The following ACER3 variants were observed in gnomAD, a reference collection of about 807,000 sequenced individuals.
ACER3 encodes alkaline ceramidase 3, also known as alkCDase 3.
In ACER3, 16 loss-of-function variants were observed where a neutral mutation model predicts 48.9. The observed-to-expected ratio is 0.33, with a 90% CI of 0.22 to 0.50. The LOEUF (loss-of-function observed/expected upper bound fraction) is 0.50, where lower values mean the gene tolerates loss of function less well. Ranked by LOEUF, ACER3 falls within the 20% of genes least tolerant of loss-of-function variation. The pLI is 0.98. For synonymous variants in ACER3, 109 were observed against 107.8 expected, an observed-to-expected ratio of 1.01 and a Z score of -0.07; for missense variants, 227 against 326.0, an observed-to-expected ratio of 0.70 and a Z score of 2.34.
Position 76,948,255 on chromosome 11 carries a change from GTGT to G in ACER3, c.215-10723_215-10721del, listed in dbSNP as rs1202562743. ...TGTGTGTGTGTGTGTGTGTGTGTGT[GTGT>G]GTGTGTAGGTGTGTAGGTTACTATA... On this transcript the variant is annotated intron_variant, in intron 2 of 10. Transcript: ENST00000532485. Among the ~76,000 whole-genome samples, 8 of 150,304 alleles carry G rather than the reference GTGT, an allele frequency of 5.3e-5. 1 individual carries two copies. The highest frequency in any genetic ancestry group is 1.5e-4 in the African/African-American group (6 of 40,586).
intron 1 of ACER3, among the ~76,000 whole-genome samples, chr11:76,910,056 T>G (rs940203493): frequency 1.4e-5 from 2 of 139,996 alleles, no homozygotes; most frequent in African/African-American, 5.4e-5. Context: ...CACTCATAAG[T>G]GAGAGTTGAA....
intron 2 of ACER3, among the ~76,000 whole-genome samples, chr11:76,930,894 C>A (rs1946983064): frequency 6.6e-6 from 1 of 151,706 alleles, no homozygotes; most frequent in Non-Finnish European, 1.5e-5. Flanking sequence ...ACTATGTGGT[C>A]AATTTTGGAA....
At chr11:76,938,978 A>G (rs1947267678) in intron 2 of ACER3, among the ~76,000 whole-genome samples, 1 of 151,850 alleles carries the variant, frequency 6.6e-6, no homozygotes. Flanking sequence ...GCTAAAAAAA[A>G]TGAAGGAATC....
At chr11:76,927,746 G>A (rs571766006) in intron 2 of ACER3, among the ~76,000 whole-genome samples, 2 of 152,202 alleles carry the variant, frequency 1.3e-5, no homozygotes, top group South Asian at 2.1e-4. Flanking sequence ...TGCTGAGAAT[G>A]ATGGTTTCCA....
chr11:76,873,749 AT>A (rs112877322), intron 1 of ACER3, among the ~76,000 whole-genome samples: 50 of 148,478 alleles, frequency 3.4e-4, no homozygotes, highest in East Asian at 9.8e-4. Flanking sequence ...GAAATGATTG[AT>A]TTTTTTTTTT....
At chr11:76,975,874 C>CTTTTT (rs34786738) in intron 3 of ACER3, among the ~76,000 whole-genome samples, 196 of 82,696 alleles carry the variant, frequency 2.4e-3, no homozygotes, top group African/African-American at 3.8e-3. Flanking sequence ...TTTTTCTTTT[C>CTTTTT]TTTTTTTTTT....
intron 3 of ACER3, among the ~76,000 whole-genome samples, chr11:76,968,505 A>G (rs1948201803): frequency 6.6e-6 from 1 of 152,218 alleles, no homozygotes; most frequent in Non-Finnish European, 1.5e-5. Flanking sequence ...AGCCAAAAGA[A>G]CAAAGCTGGA....
At chr11:76,924,476 T>A (rs899673139) in intron 1 of ACER3, among the ~76,000 whole-genome samples, 8 of 152,152 alleles carry the variant, frequency 5.3e-5, no homozygotes, top group African/African-American at 1.9e-4. Context: ...AGTGCTAAGA[T>A]TACAAGTGTT....
At chr11:76,974,248 G>A (rs181232576) in intron 3 of ACER3, among the ~76,000 whole-genome samples, 1 of 152,114 alleles carries the variant, frequency 6.6e-6, no homozygotes, top group Non-Finnish European at 1.5e-5. Context: ...CTGCAAAAAG[G>A]TAGATGGAAC....
At chr11:76,976,261 G>C in intron 3 of ACER3, 28 bp from the exon 4 acceptor site, 1 of 1,552,180 alleles carries the variant, frequency 6.4e-7, no homozygotes, top group Non-Finnish European at 8.8e-7. Context: ...TGATATTCAA[G>C]CCTGTTATCT....
chr11:76,961,542 G>C lies in ACER3; in HGVS notation c.267+2511G>C, dbSNP rs532865539. ...AAAGGAACCAGGGCTGATTCCAAGG[G>C]CTGGGGCAGAAAAAAAAAAAAGGAC... On this transcript the variant is annotated intron_variant, in intron 3 of 10. Transcript: ENST00000532485. 6.0e-4 allele frequency among the ~76,000 whole-genome samples: 90 copies of C among 149,736 alleles called. No homozygotes were observed. In the Middle Eastern group the frequency reaches 0.014, roughly 23 times the overall value.
intron 2 of ACER3, among the ~76,000 whole-genome samples, chr11:76,932,124 T>A (rs1256726040): frequency 6.6e-6 from 1 of 152,024 alleles, no homozygotes; most frequent in East Asian, 1.9e-4. Context: ...AATTTTTGTA[T>A]TTTTTTGTAG....
At chr11:76,926,449 C>A in intron 1 of ACER3, 108 bp from the exon 2 acceptor site, 1 of 572,010 alleles carries the variant, frequency 1.7e-6, no homozygotes, top group Non-Finnish European at 2.9e-6. Context: ...TTCCCAATGT[C>A]TTTCTGAGAA....
chr11:76,983,854 A>G (rs1049491185), intron 4 of ACER3, among the ~76,000 whole-genome samples: 5 of 150,368 alleles, frequency 3.3e-5, no homozygotes, highest in African/African-American at 9.8e-5. Flanking sequence ...GCAATGGCGC[A>G]ATCTTGGCTC....
At position 77,022,547 on chromosome 11, in the gene ACER3, T is replaced by A. The variant is rs1417493705; in HGVS notation, c.*2220T>A. 1.3e-5 allele frequency: 2 copies of A among 152,234 alleles called. No homozygotes were observed. The highest frequency in any genetic ancestry group is 2.9e-5 in the Non-Finnish European group (2 of 68,038). The allele number at this position is 152,234 out of a possible 1,614,324, so 9.4% of individuals were successfully genotyped here. A position where few individuals can be genotyped will look rare whatever the true frequency, so the allele number is the denominator to read the frequency against. On this transcript the variant is annotated 3_prime_UTR_variant, in exon 11 of 11. Transcript: ENST00000532485. Reference sequence around the variant, plus strand: ...TAAGTAACATACTCAAGACTTTGTATCTGTGCAGCATTTTATGGAAATCAC... The same window carrying A: ...TAAGTAACATACTCAAGACTTTGTAACTGTGCAGCATTTTATGGAAATCAC...
intron 4 of ACER3, among the ~76,000 whole-genome samples, chr11:76,980,866 T>G (rs1369572814): frequency 6.6e-6 from 1 of 152,184 alleles, no homozygotes; most frequent in African/African-American, 2.4e-5. Context: ...CCCATGAAGA[T>G]TAAAATAAAT....
At chr11:76,912,709 T>C (rs1946414709) in intron 1 of ACER3, among the ~76,000 whole-genome samples, 1 of 60,166 alleles carries the variant, frequency 1.7e-5, no homozygotes, top group South Asian at 6.8e-4. Flanking sequence ...TTTTCTCTTG[T>C]GTTTATATAA....
At position 76,965,424 on chromosome 11, in the gene ACER3, C is replaced by T. The variant is rs2135084485; in HGVS notation, c.267+6393C>T. Among the ~76,000 whole-genome samples, 2 of 151,414 alleles carry T rather than the reference C, an allele frequency of 1.3e-5. 1 individual carries two copies. Among genetic ancestry groups the T allele is most frequent in the South Asian group, 4.2e-4 (2 of 4,816 alleles). ...GGAGAACTTCCCCAATCTAGCAAGG[C>T]AGGCCAACATTCAAATTCAGGAAAT... On this transcript the variant is annotated intron_variant, in intron 3 of 10. Coordinates refer to ENST00000532485, the MANE Select transcript of ACER3 (RefSeq NM_018367.7).
At chr11:76,948,565 A>G (rs12222825) in intron 2 of ACER3, among the ~76,000 whole-genome samples, 86,770 of 151,926 alleles carry the variant, frequency 0.57, 27,983 homozygotes, top group Non-Finnish European at 0.74. Context: ...AGTTGGCATT[A>G]TTTTGATAGT....
Sources: gnomAD v4.1 joint callset for allele counts (sites outside exome capture counted in the v4.1 genomes callset) on GRCh38, gnomAD v4.1.1 for gene constraint, MANE v1.5 for transcripts, NCBI Gene and HGNC (gene_info 2026-07-23, HGNC 2026-07-21) for gene names.